The following UCP2 variants were observed in gnomAD, a reference collection of about 807,000 sequenced individuals.
UCP2 encodes uncoupling protein 2, also known as dicarboxylate carrier SLC25A8.
UCP2 carries 27 observed loss-of-function variants against 31.3 expected under a neutral mutation model. The ratio of observed to expected loss-of-function variants is 0.86; its 90% CI spans 0.64 to 1.19. The LOEUF is 1.19. Ranked by LOEUF, UCP2 falls within the 50% of genes most tolerant of loss-of-function variation. The probability of loss-of-function intolerance (pLI) is 0.00; values close to 1 mark genes in which losing one functional copy is unlikely to be tolerated. For missense variants in UCP2, 377 were observed against 413.5 expected (o/e 0.91, Z 0.76); for synonymous variants, 142 against 157.4 (o/e 0.90, Z 0.73).
chr11:73,976,823 C>G lies in UCP2; in HGVS notation c.532G>C (p.Gly178Arg). 3 of 1,614,258 alleles carry G rather than the reference C, an allele frequency of 1.9e-6. No homozygotes were observed. The highest frequency in any genetic ancestry group is 2.5e-6 in the Non-Finnish European group (3 of 1,180,040). The change falls in exon 5 of 8, where the codon GGG becomes CGG. Residue 178 changes from glycine (G) to arginine (R), a missense_variant and splice_region_variant. Gly to Arg is a moderately radical substitution (Grantham distance 125). Transcript: ENST00000663595. ...REEGFRGLWK[G>R]TSPNVARNAI... ...GGAAGGGAAAACAACTGGTACACAC[C>G]TTTCCAGAGGCCCCGGAACCCTTCC...
chr11:73,981,931 AG>A (rs1390545232), intron 1 of UCP2, among the ~76,000 whole-genome samples: 1 of 151,828 alleles, frequency 6.6e-6, no homozygotes, highest in South Asian at 2.1e-4. Flanking sequence ...GAGAGTTGTG[AG>A]GGGGTCACGA....
At chr11:73,980,227 C>T (rs1408213562) in intron 2 of UCP2, among the ~76,000 whole-genome samples, 1 of 152,180 alleles carries the variant, frequency 6.6e-6, no homozygotes, top group Non-Finnish European at 1.5e-5. Context: ...TGAGCCCCGC[C>T]TGACTGCCTT....
At chr11:73,983,039 G>A (rs1408749530), upstream of UCP2, 1 of 152,542 alleles carries the variant, frequency 6.6e-6, no homozygotes, top group Non-Finnish European at 1.5e-5. Context: ...TCCCATCACC[G>A]CGTTTACTCC....
chr11:73,977,143 G>T, intron 4 of UCP2, 126 bp from the exon 5 acceptor site: 1 of 1,020,344 alleles, frequency 9.8e-7, no homozygotes, highest in South Asian at 1.7e-5. Flanking sequence ...GAAGCTTTTG[G>T]CCTTCTACAA....
Position 73,977,934 on chromosome 11 carries a change from T to G in UCP2, c.289A>C (p.Ile97Leu). 6.2e-7 allele frequency: 1 copy of G among 1,614,072 alleles called. No homozygotes were observed. Among genetic ancestry groups the G allele is most frequent in the African/African-American group, 1.3e-5 (1 of 74,984 alleles). Residue 97 changes from isoleucine to leucine, a missense_variant, in exon 4 of 8, where the codon ATC becomes CTC. Ile to Leu is a conservative substitution (Grantham distance 5). Transcript: ENST00000663595. The stretch of plus-strand genomic sequence containing the variant: ...TGTTTGACAGAATCATACAGGCCGA[T>G]GCGGACAGAGGCAAAGCTCATTTGG... Reference protein sequence around the residue: ...QRQMSFASVRIGLYDSVKQFY... With the variant: ...QRQMSFASVRLGLYDSVKQFY...
chr11:73,977,124 T>G (rs1257928746), intron 4 of UCP2, 107 bp from the exon 5 acceptor site: 3 of 1,246,396 alleles, frequency 2.4e-6, no homozygotes, highest in Non-Finnish European at 1.1e-6. Context: ...CTTTTGGGAA[T>G]AGAATCCAGA....
intron 6 of UCP2, 37 bp downstream of exon 6, chr11:73,976,604 A>T: frequency 6.5e-7 from 1 of 1,545,990 alleles, no homozygotes; most frequent in Non-Finnish European, 8.9e-7. Flanking sequence ...GGCATGGGGG[A>T]AGGGTGAGAC....
In UCP2 at chr11:73,976,752, G is replaced by A. The variant is rs757747279; in HGVS notation, c.533-10C>T. ...ACATTGGGAGAGGTCCCTGTAGGAG[G>A]AGGAAGATCCTGGGTGAGACCAGAG... On this transcript the variant is annotated splice_polypyrimidine_tract_variant and intron_variant, in intron 5 of 7. Coordinates refer to ENST00000663595, the MANE Select transcript of UCP2 (RefSeq NM_003355.3). The A allele has an allele frequency of 3.3e-5, 53 of 1,614,092 alleles. 1 individual carries two copies. Among genetic ancestry groups the A allele is most frequent in the Admixed American group, 1.3e-4 (8 of 60,002 alleles).
In UCP2 at chr11:73,975,622, G is replaced by A; in HGVS notation, c.684C>T (p.Thr228=). ...FTSAFGAGFC[T]TVIASPVDVV... ...CGTCTACAGGGGAGGCGATGACAGT[G>A]GTGCAGAAGCCTGCCCCAAAGGCAG... Residue 228 remains threonine (T), a synonymous_variant, in exon 7 of 8, where the codon ACC becomes ACT. Coordinates refer to ENST00000663595, the MANE Select transcript of UCP2 (RefSeq NM_003355.3). 6.2e-7 allele frequency: 1 copy of A among 1,614,238 alleles called. No individual in the cohort carries two copies. Among genetic ancestry groups the A allele is most frequent in the Non-Finnish European group, 8.5e-7 (1 of 1,180,044 alleles).
In UCP2 at chr11:73,982,837, T is replaced by TCGCAGTGGGGCTC. The variant is rs1314096999; in HGVS notation, c.-374_-373insGAGCCCCACTGCG. 2 of 151,672 alleles carry TCGCAGTGGGGCTC rather than the reference T, an allele frequency of 1.3e-5. No homozygotes were observed. The highest frequency in any genetic ancestry group is 2.9e-5 in the Non-Finnish European group (2 of 68,024). 9.4% of individuals were successfully genotyped at this position (151,672 alleles called of 1,614,324 possible). A position where few individuals can be genotyped will look rare whatever the true frequency, so the allele number is the denominator to read the frequency against. ...ATCCCAAGGCGCGCGCAGCTGGGCTTCGCAGTGGGGCTCCGCGCAGGCGGC... is the reference window on the plus strand; with the variant it reads ...ATCCCAAGGCGCGCGCAGCTGGGCTTCGCAGTGGGGCTCCGCAGTGGGGCTCCGCGCAGGCGGC... On this transcript the variant is annotated 5_prime_UTR_variant, in exon 1 of 8. Transcript: ENST00000663595.
rs1591219668 is a variant in UCP2 at position 73,976,884 on chromosome 11, T to C, written c.471A>G (p.Gln157=). ...QARAGGGRRY[Q]STVNAYKTIA... is the part of the protein sequence containing the mutation. Reference sequence around the variant, plus strand: ...TGGTCTTGTAGGCATTGACGGTGCTTTGGTATCTCCGACCACCTCCAGCCC... The same window carrying C: ...TGGTCTTGTAGGCATTGACGGTGCTCTGGTATCTCCGACCACCTCCAGCCC... Residue 157 remains glutamine (Q), a synonymous_variant, in exon 5 of 8, where the codon CAA becomes CAG. Coordinates refer to ENST00000663595, the MANE Select transcript of UCP2 (RefSeq NM_003355.3). 6.2e-7 allele frequency: 1 copy of C among 1,614,194 alleles called. No individual in the cohort carries two copies. The highest frequency in any genetic ancestry group is 8.5e-7 in the Non-Finnish European group (1 of 1,180,014).
At chr11:73,981,123 A>C (rs1351325257) in intron 2 of UCP2, 1 of 152,158 alleles carries the variant, frequency 6.6e-6, no homozygotes, top group Non-Finnish European at 1.5e-5. Flanking sequence ...GCTGATTACC[A>C]ATCTCGGTTT....
In UCP2 at chr11:73,974,957, G is replaced by A. The variant is rs1951316022; in HGVS notation, c.*50C>T. 2.4e-6 allele frequency: 3 copies of A among 1,237,258 alleles called. No individual in the cohort carries two copies. Among genetic ancestry groups the A allele is most frequent in the Non-Finnish European group, 3.3e-6 (3 of 920,150 alleles). 76.6% of individuals were successfully genotyped at this position (1,237,258 alleles called of 1,614,324 possible). On this transcript the variant is annotated 3_prime_UTR_variant, in exon 8 of 8. Transcript: ENST00000663595. The stretch of plus-strand genomic sequence containing the variant: ...AAAGAAGGAAGAAAAGGAAAGCATG[G>A]CCCGGCTAGAGACAAAGCCAGAGGT...
chr11:73,981,241 G>A (rs773956426), intron 2 of UCP2: 3 of 152,164 alleles, frequency 2.0e-5, no homozygotes, highest in Non-Finnish European at 4.4e-5. Flanking sequence ...TGTTACACGT[G>A]GGCCTCAGTT....
At chr11:73,983,156 T>C (rs1380346735), upstream of UCP2, 1 of 152,316 alleles carries the variant, frequency 6.6e-6, no homozygotes, top group African/African-American at 2.4e-5. Context: ...CAGAAACAAG[T>C]CTTGTCCAGT....
At chr11:73,979,835 A>AC (rs1377728634) in intron 2 of UCP2, 1 of 151,028 alleles carries the variant, frequency 6.6e-6, no homozygotes, top group Non-Finnish European at 1.5e-5. Context: ...AAAAAAACAA[A>AC]CCCCAAAAAA....
At chr11:73,977,737 T>C (rs1457778163) in intron 4 of UCP2, 149 bp downstream of exon 4, 3 of 1,056,984 alleles carry the variant, frequency 2.8e-6, no homozygotes, top group African/African-American at 1.6e-5. Context: ...TTAGGAACTA[T>C]GTGGAGGACC....
rs201691196 is a variant in UCP2 at position 73,975,131 on chromosome 11, A to C, written c.816-10T>G. The C allele has an allele frequency of 2.1e-5, 33 of 1,606,914 alleles. No individual in the cohort carries two copies. In the Admixed American group the frequency reaches 4.4e-4, roughly 21 times the overall value. On this transcript the variant is annotated splice_polypyrimidine_tract_variant and intron_variant, in intron 7 of 7. Coordinates refer to ENST00000663595, the MANE Select transcript of UCP2 (RefSeq NM_003355.3). ...AAAGGAGGGCATGAACCTAGAGGAG[A>C]AAAATCACAGGTCATGGGGGCACCT...
rs773488801 is a variant in UCP2 at position 73,974,966 on chromosome 11, G to C, written c.*41C>G. The C allele has an allele frequency of 6.5e-7, 1 of 1,535,114 alleles. No homozygotes were observed. The highest frequency in any genetic ancestry group is 2.3e-5 in the East Asian group (1 of 43,462). On this transcript the variant is annotated 3_prime_UTR_variant, in exon 8 of 8. Coordinates refer to ENST00000663595, the MANE Select transcript of UCP2 (RefSeq NM_003355.3). ...AGAAAAGGAAAGCATGGCCCGGCTA[G>C]AGACAAAGCCAGAGGTGATCAGGTC...
Sources: allele counts gnomAD v4.1 joint callset (sites outside exome capture counted in the v4.1 genomes callset), GRCh38; gene constraint gnomAD v4.1.1; transcripts MANE v1.5; gene names NCBI Gene and HGNC (gene_info 2026-07-23, HGNC 2026-07-21).